DOK6: variants seen among roughly 807,000 people sequenced by gnomAD.
DOK6 encodes docking protein 6.
In DOK6, 22 loss-of-function variants were observed where a neutral mutation model predicts 44.0. That is an observed-to-expected ratio of 0.50 (90% CI 0.36 to 0.71). The LOEUF (loss-of-function observed/expected upper bound fraction) is 0.71. DOK6 is among the 30% of genes least tolerant of loss of function. DOK6 has a pLI of 0.00. For synonymous variants in DOK6, 166 were observed against 145.5 expected, an observed-to-expected ratio of 1.14 and a Z score of -1.01; for missense variants, 340 against 416.4, an observed-to-expected ratio of 0.82 and a Z score of 1.60.
In DOK6 at chr18:69,578,443, A is replaced by G. The variant is rs560521394; in HGVS notation, c.174+13849A>G. 4.7e-4 allele frequency among the ~76,000 whole-genome samples: 71 copies of G among 151,576 alleles called. 1 individual carries two copies. Among genetic ancestry groups the G allele is most frequent in the South Asian group, 2.1e-3 (10 of 4,824 alleles). ...AGAAAATAATTCATATCAACTTTAG[A>G]AAGTTTTTGAGAGAAATTCGGATGA... On this transcript the variant is annotated intron_variant, in intron 2 of 7. Transcript: ENST00000382713.
chr18:69,644,138 T>C (rs537283722), intron 3 of DOK6, among the ~76,000 whole-genome samples: 7 of 152,206 alleles, frequency 4.6e-5, no homozygotes, highest in Non-Finnish European at 8.8e-5. Context: ...GAGTTCTTTA[T>C]AAATTCTAGA....
chr18:69,693,366 T>A (rs1276375086), intron 4 of DOK6, among the ~76,000 whole-genome samples: 1 of 151,666 alleles, frequency 6.6e-6, no homozygotes, highest in African/African-American at 2.4e-5. Flanking sequence ...TTTTTCAAAT[T>A]TCTTCTAACT....
chr18:69,594,545 T>C (rs1265475880), intron 2 of DOK6, among the ~76,000 whole-genome samples: 1 of 147,204 alleles, frequency 6.8e-6, no homozygotes, highest in Non-Finnish European at 1.5e-5. Context: ...CTTTCACCCC[T>C]CCTATTCTAC....
chr18:69,783,698 C>T (rs564517443), intron 7 of DOK6, among the ~76,000 whole-genome samples: 97 of 152,008 alleles, frequency 6.4e-4, no homozygotes, highest in African/African-American at 1.6e-3. Context: ...TCCAAATCAA[C>T]GCTCTGGTTT....
intron 1 of DOK6, among the ~76,000 whole-genome samples, chr18:69,540,330 A>G (rs562889173): frequency 6.6e-6 from 1 of 152,248 alleles, no homozygotes; most frequent in South Asian, 2.1e-4. Context: ...TGTTTTAATT[A>G]TTGAGGCATT....
At chr18:69,496,705 A>G (rs1241687197) in intron 1 of DOK6, among the ~76,000 whole-genome samples, 1 of 152,088 alleles carries the variant, frequency 6.6e-6, no homozygotes, top group Non-Finnish European at 1.5e-5. Flanking sequence ...GATTTTTTTC[A>G]TATTTTCTCA....
At chr18:69,655,535 C>A (rs1177263684) in intron 3 of DOK6, among the ~76,000 whole-genome samples, 2 of 151,744 alleles carry the variant, frequency 1.3e-5, no homozygotes, top group Non-Finnish European at 2.9e-5. Flanking sequence ...GGTGGATTGC[C>A]TGAGCTCAGG....
At chr18:69,685,885 C>T (rs1986142164) in intron 4 of DOK6, among the ~76,000 whole-genome samples, 1 of 152,108 alleles carries the variant, frequency 6.6e-6, no homozygotes, top group South Asian at 2.1e-4. Flanking sequence ...TCTTAGTCGG[C>T]ATCACTAGAC....
At chr18:69,698,180 A>AAGG (rs1245998436) in intron 4 of DOK6, among the ~76,000 whole-genome samples, 1 of 152,218 alleles carries the variant, frequency 6.6e-6, no homozygotes, top group Non-Finnish European at 1.5e-5. Context: ...TGCAATGAAA[A>AAGG]GTCGTTGAGT....
intron 3 of DOK6, among the ~76,000 whole-genome samples, chr18:69,617,729 AGGGG>A (rs74192038): frequency 0.02 from 742 of 37,164 alleles, 2 homozygotes; most frequent in South Asian, 0.049. Flanking sequence ...GAAAGAAAAA[AGGGG>A]GAAGGAGGGA....
intron 4 of DOK6, among the ~76,000 whole-genome samples, chr18:69,691,597 A>G (rs1028168914): frequency 7.2e-5 from 11 of 152,178 alleles, no homozygotes; most frequent in African/African-American, 2.7e-4. Flanking sequence ...CACCATGGTG[A>G]ACCTGAGGTT....
intron 3 of DOK6, among the ~76,000 whole-genome samples, chr18:69,676,177 T>C (rs1333689773): frequency 6.6e-6 from 1 of 152,222 alleles, no homozygotes; most frequent in East Asian, 1.9e-4. Context: ...ACATGCAAAC[T>C]GTACTTTCGT....
chr18:69,499,225 G>A (rs1568277319), intron 1 of DOK6, among the ~76,000 whole-genome samples: 1 of 150,618 alleles, frequency 6.6e-6, no homozygotes, highest in South Asian at 2.1e-4. Flanking sequence ...ATGTGTGTAT[G>A]TATATATATA....
At chr18:69,439,653 C>T (rs541341110) in intron 1 of DOK6, among the ~76,000 whole-genome samples, 1 of 152,174 alleles carries the variant, frequency 6.6e-6, no homozygotes, top group Non-Finnish European at 1.5e-5. Context: ...ATGCTAGTTT[C>T]AAACTTCTCT....
intron 1 of DOK6, among the ~76,000 whole-genome samples, chr18:69,529,909 A>T (rs17773491): frequency 0.03 from 4,564 of 152,258 alleles, 81 homozygotes; most frequent in Middle Eastern, 0.048. Context: ...ATTATCTCAT[A>T]TTTGTAGCTT....
intron 1 of DOK6, among the ~76,000 whole-genome samples, chr18:69,500,263 T>C (rs1372408744): frequency 1.3e-5 from 2 of 152,188 alleles, no homozygotes; most frequent in African/African-American, 4.8e-5. Flanking sequence ...TTATACTTAC[T>C]TGGACACATC....
At chr18:69,605,434 C>T (rs1358585997) in intron 3 of DOK6, among the ~76,000 whole-genome samples, 2 of 152,094 alleles carry the variant, frequency 1.3e-5, no homozygotes, top group African/African-American at 4.8e-5. Flanking sequence ...AATTACCAAA[C>T]GTATATTCAC....
chr18:69,481,576 T>C (rs1980423246), intron 1 of DOK6, among the ~76,000 whole-genome samples: 1 of 152,204 alleles, frequency 6.6e-6, no homozygotes, highest in African/African-American at 2.4e-5. Context: ...GGCTGCATAG[T>C]ATACCATGGT....
At chr18:69,487,207 G>GTGTGTGTGTGTGTCTGTC (rs1980605401) in intron 1 of DOK6, among the ~76,000 whole-genome samples, 1 of 148,238 alleles carries the variant, frequency 6.7e-6, no homozygotes, top group Non-Finnish European at 1.5e-5. Context: ...GTGTGTGTGT[G>GTGTGTGTGTGTGTCTGTC]TGTGTGTGTG....
Sources: gnomAD v4.1 joint callset for allele counts (sites outside exome capture counted in the v4.1 genomes callset) on GRCh38, gnomAD v4.1.1 for gene constraint, MANE v1.5 for transcripts, NCBI Gene and HGNC (gene_info 2026-07-23, HGNC 2026-07-21) for gene names.